KCNH5: variants seen among roughly 807,000 people sequenced by gnomAD.
KCNH5 encodes voltage-gated delayed rectifier potassium channel KCNH5.
A neutral mutation model predicts 96.1 loss-of-function variants in KCNH5; 46 were observed. The ratio of observed to expected loss-of-function variants is 0.48; its 90% CI spans 0.38 to 0.61. The LOEUF (loss-of-function observed/expected upper bound fraction) is 0.61, where lower values mean the gene tolerates loss of function less well. Among genes scored for constraint, KCNH5 ranks in the 20% least tolerant of loss-of-function variants. KCNH5 has a pLI of 0.00. For synonymous variants in KCNH5, 439 were observed against 449.8 expected (o/e 0.98, Z 0.30); for missense variants, 907 against 1,225.8 (o/e 0.74, Z 3.88).
intron 10 of KCNH5, among the ~76,000 whole-genome samples, chr14:62,736,581 G>A (rs1042584925): frequency 8.6e-5 from 13 of 151,660 alleles, no homozygotes; most frequent in Admixed American, 5.3e-4. Flanking sequence ...ATAATGCCCC[G>A]CAGGCCGGAA....
chr14:63,045,398 C>T lies in KCNH5; in HGVS notation c.-212G>A, dbSNP rs797001617. 8.8e-5 allele frequency: 51 copies of T among 577,262 alleles called. 1 individual carries two copies. Among genetic ancestry groups the T allele is most frequent in the South Asian group, 7.6e-4 (37 of 48,526 alleles). The allele number at this position is 577,262 out of a possible 1,614,324, so 35.8% of individuals were successfully genotyped here. ...AGGACCAGGCAGTTCATGGTAGTAG[C>T]GCTCCCCCGGCCGCCGCTGCCCAGA... On this transcript the variant is annotated 5_prime_UTR_variant, in exon 1 of 11. Coordinates refer to ENST00000322893, the MANE Select transcript of KCNH5 (RefSeq NM_139318.5).
At chr14:63,011,747 A>G (rs913405445) in intron 2 of KCNH5, among the ~76,000 whole-genome samples, 3 of 152,110 alleles carry the variant, frequency 2.0e-5, no homozygotes, top group African/African-American at 7.2e-5. Flanking sequence ...CATCAGTCTC[A>G]CCATGAGAAG....
At chr14:62,822,235 A>G in intron 8 of KCNH5, among the ~76,000 whole-genome samples, 1 of 152,104 alleles carries the variant, frequency 6.6e-6, no homozygotes, top group East Asian at 1.9e-4. Context: ...TCTTATAAAA[A>G]TCCCAGAAAA....
chr14:62,779,573 C>A (rs1204224189), intron 10 of KCNH5, among the ~76,000 whole-genome samples, 155 bp downstream of exon 10: 1 of 151,932 alleles, frequency 6.6e-6, no homozygotes, highest in African/African-American at 2.4e-5. Context: ...AAAAAGTAAA[C>A]AAAATATAAA....
intron 8 of KCNH5, among the ~76,000 whole-genome samples, chr14:62,826,447 C>G (rs1887229375): frequency 9.1e-6 from 1 of 110,336 alleles, no homozygotes; most frequent in South Asian, 2.8e-4. Context: ...TGTGTGTCAG[C>G]ATTTTCAAGG....
intron 9 of KCNH5, among the ~76,000 whole-genome samples, chr14:62,780,303 A>C (rs1454346765): frequency 6.6e-6 from 1 of 152,210 alleles, no homozygotes; most frequent in Non-Finnish European, 1.5e-5. Flanking sequence ...ACAAAATGCA[A>C]TACAGAAGGA....
intron 9 of KCNH5, among the ~76,000 whole-genome samples, chr14:62,799,411 T>C (rs1018565660): frequency 6.6e-6 from 1 of 151,218 alleles, no homozygotes; most frequent in African/African-American, 2.4e-5. Flanking sequence ...CTGTCTCTGC[T>C]AAAAATACAA....
intron 9 of KCNH5, among the ~76,000 whole-genome samples, chr14:62,789,229 G>T (rs905841867): frequency 3.3e-5 from 5 of 151,872 alleles, no homozygotes; most frequent in African/African-American, 7.3e-5. Context: ...TGTCTTTAAG[G>T]TTCATCCATG....
intron 8 of KCNH5, among the ~76,000 whole-genome samples, chr14:62,827,683 C>T (rs893979240): frequency 6.6e-6 from 1 of 152,002 alleles, no homozygotes; most frequent in African/African-American, 2.4e-5. Context: ...GGTTTTTTGT[C>T]TGATTTTATG....
chr14:63,021,408 A>G (rs1240203965), intron 1 of KCNH5, among the ~76,000 whole-genome samples: 1 of 152,142 alleles, frequency 6.6e-6, no homozygotes, highest in African/African-American at 2.4e-5. Flanking sequence ...CAGTCTCTTC[A>G]TTATGTTCCG....
chr14:62,907,728 T>C (rs901369281), intron 7 of KCNH5, among the ~76,000 whole-genome samples: 4 of 152,210 alleles, frequency 2.6e-5, no homozygotes, highest in African/African-American at 7.2e-5. Flanking sequence ...TGTGCACTCA[T>C]GGCCTTTCTA....
chr14:62,882,127 A>T (rs1293107992), intron 7 of KCNH5, among the ~76,000 whole-genome samples: 4 of 118,534 alleles, frequency 3.4e-5, no homozygotes, highest in Non-Finnish European at 7.1e-5. Flanking sequence ...AAAAAAAAAA[A>T]GCTGGGGCAT....
intron 7 of KCNH5, among the ~76,000 whole-genome samples, chr14:62,851,634 T>C (rs1402974519): frequency 6.6e-6 from 1 of 152,066 alleles, no homozygotes. Flanking sequence ...TATGGAATTT[T>C]ACATTTTCAG....
intron 9 of KCNH5, among the ~76,000 whole-genome samples, chr14:62,781,573 G>A (rs1409871806): frequency 2.6e-5 from 4 of 152,152 alleles, no homozygotes; most frequent in African/African-American, 4.8e-5. Context: ...GAGACCTACC[G>A]CCAGGTGCGC....
chr14:63,029,588 G>T (rs997651222), intron 1 of KCNH5, among the ~76,000 whole-genome samples: 5 of 151,558 alleles, frequency 3.3e-5, no homozygotes, highest in South Asian at 2.1e-4. Context: ...GTTAAATGTT[G>T]ACCTGCAAAC....
At chr14:62,994,454 T>G (rs972509315) in intron 4 of KCNH5, among the ~76,000 whole-genome samples, 3 of 152,070 alleles carry the variant, frequency 2.0e-5, no homozygotes, top group African/African-American at 4.8e-5. Flanking sequence ...ATGGATTTCT[T>G]GGCTGTAATT....
intron 10 of KCNH5, among the ~76,000 whole-genome samples, chr14:62,761,043 T>A (rs886958502): frequency 6.6e-6 from 1 of 152,174 alleles, no homozygotes; most frequent in Admixed American, 6.5e-5. Flanking sequence ...CTCCTTTGAA[T>A]AACCAAATGC....
chr14:62,900,381 T>C (rs537173475), intron 7 of KCNH5, among the ~76,000 whole-genome samples: 1 of 152,356 alleles, frequency 6.6e-6, no homozygotes, highest in South Asian at 2.1e-4. Flanking sequence ...TTTATTTTTA[T>C]ATATACTTTT....
chr14:62,729,869 G>A (rs1423641913), intron 10 of KCNH5, among the ~76,000 whole-genome samples: 1 of 152,144 alleles, frequency 6.6e-6, no homozygotes, highest in East Asian at 1.9e-4. Context: ...ACATCTAGGG[G>A]ACAAAGAAGT....
Sources: gnomAD v4.1 joint callset for allele counts (sites outside exome capture counted in the v4.1 genomes callset) on GRCh38, gnomAD v4.1.1 for gene constraint, MANE v1.5 for transcripts, NCBI Gene and HGNC (gene_info 2026-07-23, HGNC 2026-07-21) for gene names.